The following IQCM variants were observed in gnomAD, a reference collection of about 807,000 sequenced individuals.
The protein encoded by IQCM is IQ domain-containing protein M.
A neutral mutation model predicts 57.6 loss-of-function variants in IQCM; 45 were observed. That is an observed-to-expected ratio of 0.78 (90% CI 0.62 to 1.00). The LOEUF (loss-of-function observed/expected upper bound fraction) is 1.00. Ranked by LOEUF, IQCM falls within the 50% of genes least tolerant of loss-of-function variation. The probability of loss-of-function intolerance (pLI) is 0.00; values close to 1 mark genes in which losing one functional copy is unlikely to be tolerated. For missense variants in IQCM, 468 were observed against 511.6 expected, an observed-to-expected ratio of 0.91 and a Z score of 0.82; for synonymous variants, 148 against 158.9, an observed-to-expected ratio of 0.93 and a Z score of 0.51.
intron 8 of IQCM, among the ~76,000 whole-genome samples, chr4:149,619,883 ATGGTGGCTGACACCTGT>A (rs1756167417): frequency 2.6e-5 from 4 of 152,166 alleles, no homozygotes; most frequent in African/African-American, 9.7e-5. Flanking sequence ...ATGGCCGGGC[ATGGTGGCTGACACCTGT>A]AATCCCAGCA....
chr4:149,730,336 T>C (rs1274999954), intron 5 of IQCM, among the ~76,000 whole-genome samples: 1 of 152,214 alleles, frequency 6.6e-6, no homozygotes. Context: ...TATCTCCTTA[T>C]TGGTCTCTAT....
chr4:149,665,575 G>T (rs953152656), intron 7 of IQCM, among the ~76,000 whole-genome samples: 2 of 151,944 alleles, frequency 1.3e-5, no homozygotes, highest in African/African-American at 2.4e-5. Context: ...TTGTTGTTTC[G>T]GTCTCTCTTT....
chr4:149,444,740 T>G (rs530429159), intron 12 of IQCM, among the ~76,000 whole-genome samples: 1 of 151,850 alleles, frequency 6.6e-6, no homozygotes, highest in South Asian at 2.1e-4. Flanking sequence ...AATGAACAGG[T>G]TGTTTTTAGT....
At chr4:149,448,213 C>G (rs1343629107) in intron 12 of IQCM, among the ~76,000 whole-genome samples, 1 of 151,506 alleles carries the variant, frequency 6.6e-6, no homozygotes, top group Non-Finnish European at 1.5e-5. Context: ...AAATAAAAAT[C>G]TATATATAGC....
chr4:149,589,442 A>C (rs1340734562), intron 8 of IQCM, among the ~76,000 whole-genome samples: 1 of 152,048 alleles, frequency 6.6e-6, no homozygotes, highest in Non-Finnish European at 1.5e-5. Context: ...GCCAATGTAA[A>C]GATGAAACGT....
At chr4:149,416,290 T>C (rs1733742860) in intron 13 of IQCM, among the ~76,000 whole-genome samples, 1 of 152,130 alleles carries the variant, frequency 6.6e-6, no homozygotes, top group Admixed American at 6.6e-5. Context: ...AAGATTTAAA[T>C]AAATAATATA....
At chr4:149,442,949 CACACAGAG>C (rs750570291) in intron 12 of IQCM, among the ~76,000 whole-genome samples, 1,833 of 56,116 alleles carry the variant, frequency 0.033, 12 homozygotes, top group South Asian at 0.068. Flanking sequence ...CACACACACA[CACACAGAG>C]AGAGAGAGAG....
intron 7 of IQCM, among the ~76,000 whole-genome samples, chr4:149,644,605 GT>G (rs1312137816): frequency 6.6e-6 from 1 of 152,152 alleles, no homozygotes; most frequent in Non-Finnish European, 1.5e-5. Flanking sequence ...ATTGTTACCA[GT>G]TTGAGGTTAT....
chr4:149,434,869 G>A (rs900662905), intron 12 of IQCM, among the ~76,000 whole-genome samples: 1 of 152,002 alleles, frequency 6.6e-6, no homozygotes, highest in South Asian at 2.1e-4. Flanking sequence ...GCGCTTCCTA[G>A]ATAGTTCCAC....
chr4:149,622,786 A>G (rs571828760), intron 7 of IQCM, among the ~76,000 whole-genome samples: 24 of 152,298 alleles, frequency 1.6e-4, no homozygotes, highest in African/African-American at 5.8e-4. Context: ...ACGAATTCAA[A>G]GAATTCCCCA....
chr4:149,757,265 A>AT (rs1223356867), intron 2 of IQCM, among the ~76,000 whole-genome samples: 2 of 152,054 alleles, frequency 1.3e-5, no homozygotes, highest in Non-Finnish European at 2.9e-5. Context: ...TCAAAAAAAA[A>AT]TAAGGCCAAA....
At chr4:149,362,698 A>C (rs1212553572) in intron 13 of IQCM, among the ~76,000 whole-genome samples, 2 of 152,208 alleles carry the variant, frequency 1.3e-5, no homozygotes, top group Non-Finnish European at 2.9e-5. Flanking sequence ...TGTCTTTATC[A>C]GCAGGCTAAA....
At chr4:149,681,780 A>T (rs1019256154) in intron 7 of IQCM, among the ~76,000 whole-genome samples, 1 of 151,184 alleles carries the variant, frequency 6.6e-6, no homozygotes, top group African/African-American at 2.4e-5. Flanking sequence ...ACTTTAAAGA[A>T]TCATCTATAT....
At chr4:149,425,484 T>C (rs1734400297) in intron 13 of IQCM, among the ~76,000 whole-genome samples, 1 of 151,884 alleles carries the variant, frequency 6.6e-6, no homozygotes, top group South Asian at 2.1e-4. Flanking sequence ...TAAGTCCTGG[T>C]TCAAGTCCAA....
chr4:149,597,857 C>A (rs1579639051), intron 8 of IQCM, among the ~76,000 whole-genome samples: 1 of 151,936 alleles, frequency 6.6e-6, no homozygotes, highest in South Asian at 2.1e-4. Context: ...GAGAATAGTT[C>A]AAAATAAACT....
chr4:149,646,456 T>C (rs551004754), intron 7 of IQCM, among the ~76,000 whole-genome samples: 1 of 152,152 alleles, frequency 6.6e-6, no homozygotes, highest in Non-Finnish European at 1.5e-5. Context: ...GTATAACATC[T>C]CTCTCTTTTC....
chr4:149,354,373 A>AAC lies in IQCM; in HGVS notation c.1391-2308_1391-2307insGT, dbSNP rs1426508161. Among the ~76,000 whole-genome samples, 228 of 137,670 alleles carry AAC rather than the reference A, an allele frequency of 1.7e-3. 9 individuals are homozygous for AAC. The highest frequency in any genetic ancestry group is 2.6e-3 in the Non-Finnish European group (169 of 64,636). The allele number at this position is 137,670 out of a possible 152,430, so 90.3% of individuals were successfully genotyped here. On this transcript the variant is annotated intron_variant, in intron 13 of 13. Transcript: ENST00000636793. ...AGCGAGACTCCGTCTCAAAAAAAAA[A>AAC]AAAAAAAAAAAAAAAACTGACAAAT...
At chr4:149,367,115 T>C (rs921067852) in intron 13 of IQCM, among the ~76,000 whole-genome samples, 1 of 152,028 alleles carries the variant, frequency 6.6e-6, no homozygotes, top group Non-Finnish European at 1.5e-5. Context: ...CTAAGACTCC[T>C]ATTAGTAACA....
intron 13 of IQCM, among the ~76,000 whole-genome samples, chr4:149,371,310 C>T (rs1224403263): frequency 6.6e-6 from 1 of 152,156 alleles, no homozygotes; most frequent in Non-Finnish European, 1.5e-5. Context: ...GCAGTAACAT[C>T]GACTCTGCCT....
Sources: gnomAD v4.1 joint callset for allele counts (sites outside exome capture counted in the v4.1 genomes callset) on GRCh38, gnomAD v4.1.1 for gene constraint, MANE v1.5 for transcripts, NCBI Gene and HGNC (gene_info 2026-07-23, HGNC 2026-07-21) for gene names.